The following RHOBTB1 variants were observed in gnomAD, a reference collection of about 807,000 sequenced individuals.
RHOBTB1 encodes the protein rho-related BTB domain-containing protein 1.
RHOBTB1 carries 40 observed loss-of-function variants against 71.6 expected under a neutral mutation model. The observed-to-expected ratio is 0.56, with a 90% CI of 0.43 to 0.73. The LOEUF (loss-of-function observed/expected upper bound fraction) is 0.73, where lower values mean the gene tolerates loss of function less well. RHOBTB1 is among the 30% of genes least tolerant of loss of function. RHOBTB1 has a pLI of 0.00. For synonymous variants in RHOBTB1, 319 were observed against 334.9 expected (o/e 0.95, Z 0.52); for missense variants, 797 against 894.0 (o/e 0.89, Z 1.38).
chr10:60,995,357 G>C (rs761185885), intron 1 of RHOBTB1, among the ~76,000 whole-genome samples: 1 of 151,992 alleles, frequency 6.6e-6, no homozygotes, highest in Non-Finnish European at 1.5e-5. Context: ...CCTGGGGGAG[G>C]AACCATCAGA....
exon 1 of RHOBTB1, chr10:61,001,399 C>G (rs1274453305): frequency 1.3e-5 from 2 of 151,866 alleles, no homozygotes; most frequent in Admixed American, 6.6e-5. Flanking sequence ...CCCGCGCTAC[C>G]TGGGGACGCT....
intron 7 of RHOBTB1, among the ~76,000 whole-genome samples, chr10:60,880,819 G>A (rs1026808447): frequency 3.3e-5 from 5 of 152,074 alleles, no homozygotes; most frequent in Non-Finnish European, 5.9e-5. Flanking sequence ...GTGTATGCTC[G>A]CATACATATA....
chr10:60,953,072 TCA>T (rs1453030881), intron 2 of RHOBTB1, among the ~76,000 whole-genome samples: 71 of 152,082 alleles, frequency 4.7e-4, no homozygotes, highest in Non-Finnish European at 1.0e-4. Context: ...GCCAGCAAGG[TCA>T]GGTTGATGAG....
At chr10:61,000,567 A>G (rs2087227097) in intron 1 of RHOBTB1, among the ~76,000 whole-genome samples, 1 of 152,130 alleles carries the variant, frequency 6.6e-6, no homozygotes, top group African/African-American at 2.4e-5. Flanking sequence ...CACCTGCTGG[A>G]CTCATTATTT....
At chr10:60,964,870 A>T (rs564685489) in intron 2 of RHOBTB1, among the ~76,000 whole-genome samples, 10 of 152,298 alleles carry the variant, frequency 6.6e-5, no homozygotes, top group Admixed American at 5.9e-4. Flanking sequence ...AACCTTCTTT[A>T]TAAAAATTAG....
At chr10:60,905,616 G>A (rs559217800) in intron 4 of RHOBTB1, among the ~76,000 whole-genome samples, 1 of 151,944 alleles carries the variant, frequency 6.6e-6, no homozygotes, top group South Asian at 2.1e-4. Flanking sequence ...GTCTTTTTAA[G>A]ATTATTATTA....
chr10:60,925,703 T>C (rs1027631836), intron 2 of RHOBTB1, among the ~76,000 whole-genome samples: 1 of 151,946 alleles, frequency 6.6e-6, no homozygotes, highest in African/African-American at 2.4e-5. Flanking sequence ...CCCGAATAAA[T>C]AAAATCACAT....
intron 2 of RHOBTB1, among the ~76,000 whole-genome samples, chr10:60,932,052 C>A (rs932794317): frequency 1.3e-5 from 2 of 152,138 alleles, no homozygotes; most frequent in African/African-American, 4.8e-5. Context: ...TAGCATAATT[C>A]AGTTTTACAT....
intron 7 of RHOBTB1, among the ~76,000 whole-genome samples, chr10:60,884,014 C>A (rs1461831691): frequency 6.6e-6 from 1 of 152,188 alleles, no homozygotes; most frequent in African/African-American, 2.4e-5. Context: ...AGGTGAGAGT[C>A]TCCTGGTTTA....
chr10:60,910,949 A>C lies in RHOBTB1; in HGVS notation c.234T>G (p.Val78=), dbSNP rs2082935394. Residue 78 remains valine, a synonymous_variant, in exon 4 of 11, where the codon GTT becomes GTG. Transcript: ENST00000337910. ...RSRDVVDEVS[V]SLRLWDTFGD... Reference sequence around the variant, plus strand: ...CAAAAGTATCCCAAAGCCTGAGAGAAACACTCACTTCATCAACAACATCCC... The same window carrying C: ...CAAAAGTATCCCAAAGCCTGAGAGACACACTCACTTCATCAACAACATCCC... 6.2e-7 allele frequency: 1 copy of C among 1,614,090 alleles called. No individual in the cohort carries two copies.
intron 4 of RHOBTB1, among the ~76,000 whole-genome samples, chr10:60,898,216 T>C (rs147527988): frequency 1.3e-5 from 2 of 152,306 alleles, no homozygotes; most frequent in Non-Finnish European, 2.9e-5. Flanking sequence ...TCACTGTGCA[T>C]GAGTCCCCCT....
At chr10:60,914,435 G>A (rs1025177643) in intron 2 of RHOBTB1, among the ~76,000 whole-genome samples, 1 of 152,128 alleles carries the variant, frequency 6.6e-6, no homozygotes, top group African/African-American at 2.4e-5. Flanking sequence ...GTCCTCAGTG[G>A]TGGGAAACCT....
intron 7 of RHOBTB1, among the ~76,000 whole-genome samples, chr10:60,879,703 A>T (rs2081222215): frequency 6.6e-6 from 1 of 152,100 alleles, no homozygotes; most frequent in African/African-American, 2.4e-5. Flanking sequence ...ATAAAGATAT[A>T]TATCTATATA....
chr10:60,886,343 C>A, intron 6 of RHOBTB1, 113 bp from the exon 7 acceptor site: 1 of 690,596 alleles, frequency 1.4e-6, no homozygotes, highest in Non-Finnish European at 2.5e-6. Flanking sequence ...TCTTGCATGT[C>A]TTTACTTACT....
chr10:60,987,045 C>T (rs1014500337), intron 1 of RHOBTB1, among the ~76,000 whole-genome samples: 1 of 152,086 alleles, frequency 6.6e-6, no homozygotes, highest in East Asian at 1.9e-4. Flanking sequence ...AGATGTGAGA[C>T]AAAACGGACA....
chr10:60,972,877 C>A (rs936595277), intron 2 of RHOBTB1, among the ~76,000 whole-genome samples: 1 of 151,898 alleles, frequency 6.6e-6, no homozygotes, highest in Non-Finnish European at 1.5e-5. Flanking sequence ...TGGAAGGTAG[C>A]CTCACTTGGA....
At chr10:60,996,561 C>T (rs1271716676) in intron 1 of RHOBTB1, among the ~76,000 whole-genome samples, 4 of 152,114 alleles carry the variant, frequency 2.6e-5, no homozygotes, top group Non-Finnish European at 4.4e-5. Context: ...CCGAGAGCTT[C>T]GGCAGCCTGG....
At chr10:60,880,564 A>T (rs1405579552) in intron 7 of RHOBTB1, among the ~76,000 whole-genome samples, 3 of 152,228 alleles carry the variant, frequency 2.0e-5, no homozygotes, top group Admixed American at 2.0e-4. Context: ...TAAATAAGTT[A>T]CATAAGTCAT....
At chr10:60,986,503 C>T (rs2086675312) in intron 1 of RHOBTB1, among the ~76,000 whole-genome samples, 1 of 147,728 alleles carries the variant, frequency 6.8e-6, no homozygotes, top group African/African-American at 2.5e-5. Flanking sequence ...ATTTGAATTT[C>T]TTGGTAATTT....
Sources: gnomAD v4.1 joint callset for allele counts (sites outside exome capture counted in the v4.1 genomes callset) on GRCh38, gnomAD v4.1.1 for gene constraint, MANE v1.5 for transcripts, NCBI Gene and HGNC (gene_info 2026-07-23, HGNC 2026-07-21) for gene names.